EHBP1: variants seen among roughly 807,000 people sequenced by gnomAD.
The protein encoded by EHBP1 is EH domain binding protein 1, also known as EH domain-binding protein 1.
EHBP1 carries 55 observed loss-of-function variants against 144.0 expected under a neutral mutation model. The observed-to-expected ratio is 0.38, with a 90% CI of 0.31 to 0.48. The LOEUF is 0.48. Ranked by LOEUF, EHBP1 falls within the 20% of genes least tolerant of loss-of-function variation. The pLI is 0.98. For synonymous variants in EHBP1, 469 were observed against 472.7 expected (o/e 0.99, Z 0.10); for missense variants, 1,200 against 1,364.2 (o/e 0.88, Z 1.90).
At chr2:62,911,211 T>G (rs2054189069) in intron 10 of EHBP1, among the ~76,000 whole-genome samples, 1 of 152,192 alleles carries the variant, frequency 6.6e-6, no homozygotes. Context: ...ATTTAACCTC[T>G]CTCTCCCTCA....
chr2:62,788,048 G>A (rs940395128), intron 5 of EHBP1, among the ~76,000 whole-genome samples: 1 of 152,108 alleles, frequency 6.6e-6, no homozygotes, highest in Non-Finnish European at 1.5e-5. Flanking sequence ...CTTTTTCTCA[G>A]TGACAGTTTA....
chr2:62,924,602 C>G (rs1452168420), intron 10 of EHBP1, among the ~76,000 whole-genome samples: 2 of 152,048 alleles, frequency 1.3e-5, no homozygotes, highest in Non-Finnish European at 2.9e-5. Flanking sequence ...ATTTGAAAAC[C>G]TAGAGGAAAT....
intron 2 of EHBP1, among the ~76,000 whole-genome samples, chr2:62,724,251 C>T (rs2036530720): frequency 6.6e-6 from 1 of 152,162 alleles, no homozygotes; most frequent in Non-Finnish European, 1.5e-5. Flanking sequence ...CTTTCCTCCA[C>T]TTGGTCTGTT....
chr2:62,783,285 C>T (rs1335321717), intron 5 of EHBP1, among the ~76,000 whole-genome samples: 2 of 152,186 alleles, frequency 1.3e-5, no homozygotes, highest in Admixed American at 6.5e-5. Flanking sequence ...TTTCCAGGTG[C>T]ACAGTGCAAC....
intron 10 of EHBP1, among the ~76,000 whole-genome samples, chr2:62,929,467 T>C (rs1404044832): frequency 1.3e-5 from 2 of 152,100 alleles, no homozygotes; most frequent in African/African-American, 2.4e-5. Context: ...ATGAAGGAGA[T>C]AGTACATGTA....
chr2:62,896,874 C>T (rs1296469708), intron 10 of EHBP1, among the ~76,000 whole-genome samples: 1 of 152,060 alleles, frequency 6.6e-6, no homozygotes, highest in Non-Finnish European at 1.5e-5. Flanking sequence ...CTTGCCAAGT[C>T]CAGTGCTTAA....
chr2:62,971,692 G>T (rs2058503656), intron 14 of EHBP1, among the ~76,000 whole-genome samples: 1 of 152,190 alleles, frequency 6.6e-6, no homozygotes, highest in South Asian at 2.1e-4. Context: ...AATGATAGCA[G>T]CTATCTCAGA....
At chr2:62,796,021 G>C (rs1165067811) in intron 5 of EHBP1, among the ~76,000 whole-genome samples, 5 of 151,496 alleles carry the variant, frequency 3.3e-5, no homozygotes, top group Admixed American at 6.6e-5. Context: ...GCTTGGTTCA[G>C]CTGGTCCTTT....
At chr2:62,834,947 T>A (rs2047096109) in intron 7 of EHBP1, among the ~76,000 whole-genome samples, 1 of 152,214 alleles carries the variant, frequency 6.6e-6, no homozygotes, top group Admixed American at 6.5e-5. Context: ...TGTATATGTA[T>A]CTTTTTTTAT....
intron 7 of EHBP1, among the ~76,000 whole-genome samples, chr2:62,839,205 G>T (rs924488555): frequency 1.3e-5 from 2 of 152,018 alleles, no homozygotes; most frequent in African/African-American, 4.8e-5. Context: ...ATCAATAAAT[G>T]TAATCCAGCA....
chr2:62,964,448 C>A (rs1392731567), intron 14 of EHBP1, among the ~76,000 whole-genome samples: 1 of 152,216 alleles, frequency 6.6e-6, no homozygotes, highest in Admixed American at 6.5e-5. Context: ...TCAGCATGCA[C>A]AAGAGTTTAA....
At position 62,707,031 on chromosome 2, in the gene EHBP1, T is replaced by G; in HGVS notation, c.-161T>G. 1.7e-6 allele frequency: 1 copy of G among 597,208 alleles called. No individual in the cohort carries two copies. Among genetic ancestry groups the G allele is most frequent in the East Asian group, 2.9e-5 (1 of 34,112 alleles). 37.0% of individuals were successfully genotyped at this position (597,208 alleles called of 1,614,324 possible). On this transcript the variant is annotated 5_prime_UTR_variant, in exon 2 of 23. Coordinates refer to ENST00000431489, the MANE Select transcript of EHBP1 (RefSeq NM_001142616.3). ...CATTCATCTAAGATGGGATTTACCC[T>G]GTGAAACAGGGAGAAGACTTATGGA...
intron 9 of EHBP1, among the ~76,000 whole-genome samples, chr2:62,870,301 T>C (rs2050358524): frequency 6.6e-6 from 1 of 152,070 alleles, no homozygotes; most frequent in South Asian, 2.1e-4. Context: ...GTTAACAAAG[T>C]AGAGAAAAAG....
intron 14 of EHBP1, among the ~76,000 whole-genome samples, chr2:62,973,639 A>T (rs1247194474): frequency 6.6e-6 from 1 of 152,242 alleles, no homozygotes; most frequent in Admixed American, 6.5e-5. Flanking sequence ...AGCAGCAGCC[A>T]TCATCAAACT....
Position 62,826,153 on chromosome 2 carries a change from C to G in EHBP1, c.379C>G (p.Pro127Ala), listed in dbSNP as rs2046330727. Reference protein sequence around the residue: ...SSINMKQYASPMPTQTDVKLK... With the variant: ...SSINMKQYASAMPTQTDVKLK... ...CATCAATATGAAACAGTATGCAAGC[C>G]CTATGCCAACTCAGACTGATGTCAA... is the stretch of plus-strand genomic sequence containing the variant. The change falls in exon 6 of 23, where the codon CCT (proline) becomes GCT (alanine). Residue 127 changes from proline (P) to alanine (A), a missense_variant. By Grantham distance (27) the Pro-to-Ala change is conservative. Transcript: ENST00000431489. The G allele has an allele frequency of 6.2e-7, 1 of 1,608,748 alleles. No homozygotes were observed. Among genetic ancestry groups the G allele is most frequent in the Non-Finnish European group, 8.5e-7 (1 of 1,177,518 alleles).
chr2:62,804,390 G>T (rs575000426), intron 5 of EHBP1, among the ~76,000 whole-genome samples: 27 of 152,262 alleles, frequency 1.8e-4, no homozygotes, highest in Non-Finnish European at 3.7e-4. Context: ...ATGGTACTGG[G>T]ACTATTTGGG....
intron 1 of EHBP1, among the ~76,000 whole-genome samples, chr2:62,674,657 A>G (rs1021752468): frequency 1.3e-5 from 2 of 152,230 alleles, no homozygotes; most frequent in African/African-American, 4.8e-5. Flanking sequence ...GCACATAGGA[A>G]TCATCTAAAC....
chr2:62,878,378 C>G (rs2051074108), intron 10 of EHBP1, among the ~76,000 whole-genome samples: 1 of 152,038 alleles, frequency 6.6e-6, no homozygotes, highest in Admixed American at 6.6e-5. Context: ...CTGAATTCTA[C>G]CAGACATATA....
intron 14 of EHBP1, among the ~76,000 whole-genome samples, chr2:62,976,837 C>G (rs2058738666): frequency 1.3e-5 from 2 of 151,920 alleles, no homozygotes; most frequent in Admixed American, 1.3e-4. Flanking sequence ...GACTTTCTCT[C>G]CCTCCCTTCT....
Sources: gnomAD v4.1 joint callset for allele counts (sites outside exome capture counted in the v4.1 genomes callset) on GRCh38, gnomAD v4.1.1 for gene constraint, MANE v1.5 for transcripts, NCBI Gene and HGNC (gene_info 2026-07-23, HGNC 2026-07-21) for gene names.